Variants in TENM4 observed in about 807,000 individuals in gnomAD.
The protein encoded by TENM4 is teneurin-4.
In TENM4, 82 loss-of-function variants were observed where a neutral mutation model predicts 243.3. The observed-to-expected ratio is 0.34, with a 90% CI of 0.28 to 0.40. TENM4 has a LOEUF of 0.40. Ranked by LOEUF, TENM4 falls within the 10% of genes least tolerant of loss-of-function variation. The pLI is 1.00. For synonymous variants in TENM4, 1,412 were observed against 1,456.3 expected (o/e 0.97, Z 0.69); for missense variants, 3,138 against 3,673.3 (o/e 0.85, Z 3.77).
intron 6 of TENM4, among the ~76,000 whole-genome samples, chr11:79,037,848 C>G (rs1474046783): frequency 6.6e-6 from 1 of 152,164 alleles, no homozygotes; most frequent in South Asian, 2.1e-4. Flanking sequence ...TGAATTTGAC[C>G]TGCATGAGAA....
Position 79,399,728 on chromosome 11 carries a change from G to A in TENM4, c.-321+40781C>T, listed in dbSNP as rs574874088. Among the ~76,000 whole-genome samples, 3 of 152,234 alleles carry A rather than the reference G, an allele frequency of 2.0e-5. No individual in the cohort carries two copies. The South Asian group carries it at 6.2e-4, about 32-fold the overall frequency. On this transcript the variant is annotated intron_variant, in intron 1 of 33. Transcript: ENST00000278550. ...AGAAACATGTGGAATCTTGGAAACA[G>A]ACGTAGAGTCAAATTTGGCTCCTCT... is the stretch of plus-strand genomic sequence containing the variant.
chr11:78,907,588 A>T (rs1856091050), intron 6 of TENM4, among the ~76,000 whole-genome samples: 1 of 152,146 alleles, frequency 6.6e-6, no homozygotes, highest in South Asian at 2.1e-4. Context: ...TTTCTGGAGG[A>T]TGAAGAGCCA....
intron 1 of TENM4, among the ~76,000 whole-genome samples, chr11:79,350,362 T>G (rs1031602807): frequency 2.0e-5 from 3 of 151,878 alleles, no homozygotes; most frequent in African/African-American, 4.8e-5. Context: ...GCTAACACCT[T>G]AGTCCGTGCT....
At chr11:78,890,914 G>C (rs1855650554) in intron 8 of TENM4, among the ~76,000 whole-genome samples, 1 of 152,186 alleles carries the variant, frequency 6.6e-6, no homozygotes, top group Admixed American at 6.5e-5. Flanking sequence ...AGGTGCCTCA[G>C]GTCACAGAAT....
chr11:78,805,281 C>CACCCAACAAA lies in TENM4; in HGVS notation c.2179+10_2179+11insTTTGTTGGGT. On this transcript the variant is annotated intron_variant, in intron 15 of 33. Coordinates refer to ENST00000278550, the MANE Select transcript of TENM4 (RefSeq NM_001098816.3). The stretch of plus-strand genomic sequence containing the variant: ...TCCCTCTACCCATGCTTCTTCTCCC[C>CACCCAACAAA]CTGCATTTACCGATAGAACAGTCGT... 1 of 1,488,490 alleles carries CACCCAACAAA rather than the reference C, an allele frequency of 6.7e-7. No individual in the cohort carries two copies. 92.2% of individuals were successfully genotyped at this position (1,488,490 alleles called of 1,614,324 possible).
intron 6 of TENM4, among the ~76,000 whole-genome samples, chr11:78,925,454 C>T (rs602653): frequency 0.32 from 48,486 of 151,804 alleles, 8,882 homozygotes; most frequent in African/African-American, 0.5. Flanking sequence ...GATTTTTGCC[C>T]TTCCTTATTT....
intron 6 of TENM4, among the ~76,000 whole-genome samples, chr11:79,041,970 G>C (rs146427078): frequency 6.6e-6 from 1 of 152,172 alleles, no homozygotes; most frequent in African/African-American, 2.4e-5. Flanking sequence ...TCCCTTAGCC[G>C]GAGGGTCTGG....
chr11:79,033,519 A>G (rs1242341271), intron 6 of TENM4, among the ~76,000 whole-genome samples: 1 of 152,226 alleles, frequency 6.6e-6, no homozygotes, highest in African/African-American at 2.4e-5. Context: ...TGATAATGAA[A>G]TGGCTACTAG....
intron 4 of TENM4, among the ~76,000 whole-genome samples, chr11:79,070,213 G>C (rs1043356295): frequency 6.6e-6 from 1 of 152,098 alleles, no homozygotes; most frequent in Non-Finnish European, 1.5e-5. Context: ...GGCCCTTTTT[G>C]CTACTTAGCC....
chr11:79,373,389 G>C (rs1171061819), intron 1 of TENM4, among the ~76,000 whole-genome samples: 1 of 151,900 alleles, frequency 6.6e-6, no homozygotes, highest in Non-Finnish European at 1.5e-5. Context: ...TGGATGCATG[G>C]GTGGATAGTT....
At chr11:78,897,229 C>T (rs553154672) in intron 7 of TENM4, among the ~76,000 whole-genome samples, 20 of 152,186 alleles carry the variant, frequency 1.3e-4, no homozygotes, top group Non-Finnish European at 2.4e-4. Context: ...GAAGTGCGTC[C>T]TGTGTGACTC....
chr11:79,170,930 A>G (rs527314877), intron 3 of TENM4, among the ~76,000 whole-genome samples: 1 of 152,326 alleles, frequency 6.6e-6, no homozygotes, highest in East Asian at 1.9e-4. Flanking sequence ...GAAAGGGATC[A>G]TAAGAGAACC....
chr11:78,822,619 G>A (rs1384714111), intron 12 of TENM4, among the ~76,000 whole-genome samples: 2 of 152,104 alleles, frequency 1.3e-5, no homozygotes, highest in Non-Finnish European at 2.9e-5. Context: ...TAAGGCATGT[G>A]GGGCTTAATA....
chr11:78,959,768 C>A (rs1208656452), intron 6 of TENM4, among the ~76,000 whole-genome samples: 3 of 152,196 alleles, frequency 2.0e-5, no homozygotes. Context: ...TCCTTCCCTG[C>A]ACATCAATAA....
At chr11:78,724,383 T>C (rs1039218737) in intron 23 of TENM4, among the ~76,000 whole-genome samples, 34 of 152,250 alleles carry the variant, frequency 2.2e-4, no homozygotes, top group African/African-American at 8.2e-4. Flanking sequence ...TGAGCCACGG[T>C]GCCTGGCCTT....
chr11:79,258,796 C>T (rs952133328), intron 2 of TENM4, among the ~76,000 whole-genome samples: 2 of 152,148 alleles, frequency 1.3e-5, no homozygotes, highest in South Asian at 2.1e-4. Context: ...GCTCCCCCAC[C>T]GGCTCCCTGG....
At chr11:78,932,998 T>A (rs1417977656) in intron 6 of TENM4, among the ~76,000 whole-genome samples, 1 of 152,114 alleles carries the variant, frequency 6.6e-6, no homozygotes, top group African/African-American at 2.4e-5. Context: ...GAGTTCAATA[T>A]CTTTGTCACA....
Position 78,661,526 on chromosome 11 carries a change from G to T in TENM4, c.7474C>A (p.Pro2492Thr), listed in dbSNP as rs766448601. ...GAGGGTTCCATGGCATCCATGTCTG[G>T]TTTGGGATAACCAGGGATCACGTTG... Reference protein sequence around the residue: ...LHNVIPGYPKPDMDAMEPSYE... With the variant: ...LHNVIPGYPKTDMDAMEPSYE... The change falls in exon 33 of 34, where the codon CCA becomes ACA. Residue 2492 changes from proline (P) to threonine (T), a missense_variant. Physicochemically the swap from Pro to Thr is conservative, Grantham distance 38. Transcript: ENST00000278550. 2 of 1,613,122 alleles carry T rather than the reference G, an allele frequency of 1.2e-6. No individual in the cohort carries two copies. The highest frequency in any genetic ancestry group is 1.7e-6 in the Non-Finnish European group (2 of 1,179,644).
At chr11:79,100,794 C>T (rs911660311) in intron 4 of TENM4, among the ~76,000 whole-genome samples, 21 of 152,148 alleles carry the variant, frequency 1.4e-4, no homozygotes, top group African/African-American at 4.3e-4. Flanking sequence ...CCTCTCTCCT[C>T]CCAATGTGTT....
Sources: allele counts gnomAD v4.1 joint callset (sites outside exome capture counted in the v4.1 genomes callset), GRCh38; gene constraint gnomAD v4.1.1; transcripts MANE v1.5; gene names NCBI Gene and HGNC (gene_info 2026-07-23, HGNC 2026-07-21).